Variants in BST2 observed in about 807,000 individuals in gnomAD.
BST2 encodes the protein bone marrow stromal antigen 2.
A neutral mutation model predicts 18.6 loss-of-function variants in BST2; 10 were observed. That is an observed-to-expected ratio of 0.54 (90% confidence interval 0.33 to 0.91). The LOEUF (loss-of-function observed/expected upper bound fraction) is 0.91, where lower values mean the gene tolerates loss of function less well. BST2 is among the 40% of genes least tolerant of loss of function. The pLI is 0.02. For synonymous variants in BST2, 75 were observed against 96.8 expected (o/e 0.77, Z 1.32); for missense variants, 183 against 228.4 (o/e 0.80, Z 1.28).
At chr19:17,404,297 G>C (rs2145745379) in intron 2 of BST2, 74 bp downstream of exon 2, 1 of 1,521,290 alleles carries the variant, frequency 6.6e-7, no homozygotes, top group African/African-American at 1.4e-5. Context: ...CTCCAGCCCT[G>C]GTCTCCCTGC....
In BST2 at chr19:17,403,771, C is replaced by A. The variant is rs1435768175; in HGVS notation, c.467G>T (p.Ser156Ile). 5 of 1,613,914 alleles carry A rather than the reference C, an allele frequency of 3.1e-6. No homozygotes were observed. The highest frequency in any genetic ancestry group is 3.3e-5 in the Admixed American group (2 of 59,962). ...VRIADKKYYP[S>I]SQDSSSAAAP... is the part of the protein sequence containing the mutation. ...CGCAGCGGAGCTGGAGTCCTGGGAG[C>A]TGGGGTAGTACTTCTTGTCCGCGAT... is the stretch of plus-strand genomic sequence containing the variant. Residue 156 changes from serine (S) to isoleucine (I), a missense_variant, in exon 4 of 5, where the codon AGC becomes ATC. Ser to Ile is a moderately radical substitution (Grantham distance 142). Coordinates refer to ENST00000252593, the MANE Select transcript of BST2 (RefSeq NM_004335.4).
intron 1 of BST2, 30 bp downstream of exon 1, chr19:17,405,261 T>A: frequency 6.3e-7 from 1 of 1,586,466 alleles, no homozygotes; most frequent in South Asian, 1.1e-5. Context: ...CGCCTAGTAC[T>A]AGGCCATCCA....
Position 17,404,423 on chromosome 19 carries a change from A to G in BST2, c.300T>C (p.Ala100=). 6.2e-7 allele frequency: 1 copy of G among 1,614,032 alleles called. No homozygotes were observed. The highest frequency in any genetic ancestry group is 8.5e-7 in the Non-Finnish European group (1 of 1,179,990). ...CTTGGGCCTTCTCTGCATCCAGGGA[A>G]GCCATTAGGGCCATCTAAGAAGAGT... The part of the protein sequence containing the change: ...TCNHTVMALM[A]SLDAEKAQGQ... Residue 100 remains alanine, a synonymous_variant, in exon 2 of 5, where the codon GCT becomes GCC. Transcript: ENST00000252593.
At chr19:17,403,659 G>T (rs1183756662) in intron 4 of BST2, 21 bp downstream of exon 4, 1 of 1,605,052 alleles carries the variant, frequency 6.2e-7, no homozygotes, top group Admixed American at 1.7e-5. Context: ...TCCCTCCCGG[G>T]GCCGCCCCCT....
intron 2 of BST2, 87 bp from the exon 3 acceptor site, chr19:17,404,276 CTTA>C: frequency 6.4e-7 from 1 of 1,553,752 alleles, no homozygotes; most frequent in Non-Finnish European, 8.9e-7. Flanking sequence ...GAACCTCCCC[CTTA>C]CCCCAACCTC....
Position 17,403,299 on chromosome 19 carries a change from C to G in BST2, c.*43G>C, listed in dbSNP as rs537302773. The G allele has an allele frequency of 5.7e-5, 61 of 1,063,782 alleles. No individual in the cohort carries two copies. The highest frequency in any genetic ancestry group is 6.3e-5 in the Non-Finnish European group (55 of 874,980). The allele number at this position is 1,063,782 out of a possible 1,614,324, so 65.9% of individuals were successfully genotyped here. ...TCAAGGGAATGTTCAAGCGAAAAGC[C>G]GAGCAGGACGGACCTTCCAAGATGT... On this transcript the variant is annotated 3_prime_UTR_variant, in exon 5 of 5. Transcript: ENST00000252593.
At chr19:17,404,810 C>T (rs867458284) in intron 1 of BST2, among the ~76,000 whole-genome samples, 1 of 152,194 alleles carries the variant, frequency 6.6e-6, no homozygotes, top group Non-Finnish European at 1.5e-5. Context: ...AAGTGACATG[C>T]CCAGCGAGAG....
At position 17,403,169 on chromosome 19, in the gene BST2, A is replaced by T; in HGVS notation, c.*173T>A. On this transcript the variant is annotated 3_prime_UTR_variant, in exon 5 of 5. Coordinates refer to ENST00000252593, the MANE Select transcript of BST2 (RefSeq NM_004335.4). Reference sequence around the variant, plus strand: ...ACCCGACTGTGTCCCCACACCCAGGACTTCCCCATGGCCCCTCCAGACCTG... The same window carrying T: ...ACCCGACTGTGTCCCCACACCCAGGTCTTCCCCATGGCCCCTCCAGACCTG... The T allele has an allele frequency of 1.0e-6, 1 of 989,960 alleles. No homozygotes were observed. Among genetic ancestry groups the T allele is most frequent in the Non-Finnish European group, 1.2e-6 (1 of 832,772 alleles). The allele number at this position is 989,960 out of a possible 1,614,324, so 61.3% of individuals were successfully genotyped here. A position where few individuals can be genotyped will look rare whatever the true frequency, so the allele number is the denominator to read the frequency against.
chr19:17,404,102 G>T, intron 3 of BST2, 27 bp downstream of exon 3: 1 of 1,564,844 alleles, frequency 6.4e-7, no homozygotes, highest in East Asian at 2.4e-5. Context: ...GGCAGGTGGA[G>T]GGTAGCGGGG....
Position 17,404,112 on chromosome 19 carries a change from G to A in BST2, c.413+17C>T, listed in dbSNP as rs2145745180. 1 of 1,574,696 alleles carries A rather than the reference G, an allele frequency of 6.4e-7. No individual in the cohort carries two copies. Among genetic ancestry groups the A allele is most frequent in the African/African-American group, 1.4e-5 (1 of 73,992 alleles). On this transcript the variant is annotated intron_variant, in intron 3 of 4. Transcript: ENST00000252593. ...AATGTGGCAGGTGGAGGGTAGCGGGGGAAGGCTATCTCTGACCTCAGTCGC... is the reference window on the plus strand; with the variant it reads ...AATGTGGCAGGTGGAGGGTAGCGGGAGAAGGCTATCTCTGACCTCAGTCGC...
chr19:17,403,652 C>T, intron 4 of BST2, 28 bp downstream of exon 4: 1 of 1,602,672 alleles, frequency 6.2e-7, no homozygotes, highest in African/African-American at 1.3e-5. Flanking sequence ...TTTCTTCTCC[C>T]TCCCGGGGCC....
At chr19:17,405,210 C>G in intron 1 of BST2, 81 bp downstream of exon 1, 1 of 1,470,910 alleles carries the variant, frequency 6.8e-7, no homozygotes. Flanking sequence ...GGAGACCCAC[C>G]CTGGGTCAGA....
Position 17,403,332 on chromosome 19 carries a change from G to C in BST2, c.*16-6C>G. 4 of 1,115,012 alleles carry C rather than the reference G, an allele frequency of 3.6e-6. No homozygotes were observed. The highest frequency in any genetic ancestry group is 4.4e-6 in the Non-Finnish European group (4 of 905,644). 69.1% of individuals were successfully genotyped at this position (1,115,012 alleles called of 1,614,324 possible). A position where few individuals can be genotyped will look rare whatever the true frequency, so the allele number is the denominator to read the frequency against. The stretch of plus-strand genomic sequence containing the variant: ...ACGGACCTTCCAAGATGTGCCTAAA[G>C]GACCAGAAGAGGGACTCAGGGCAGA... On this transcript the variant is annotated splice_polypyrimidine_tract_variant and splice_region_variant and intron_variant, in intron 4 of 4. Coordinates refer to ENST00000252593, the MANE Select transcript of BST2 (RefSeq NM_004335.4).
rs773885142 is a variant in BST2 at position 17,405,521 on chromosome 19, G to C, written c.55C>G (p.Arg19Gly). The C allele has an allele frequency of 6.2e-7, 1 of 1,614,164 alleles. No homozygotes were observed. The highest frequency in any genetic ancestry group is 8.5e-7 in the Non-Finnish European group (1 of 1,180,016). Residue 19 changes from arginine to glycine, a missense_variant, in exon 1 of 5, where the codon CGC becomes GGC. Transcript: ENST00000252593. ...CRVPMEDGDK[R>G]CKLLLGIGIL... is the part of the protein sequence containing the mutation. ...CCTATCCCCAGCAGAAGCTTACAGC[G>C]CTTATCCCCGTCTTCCATGGGCACT...
Position 17,405,408 on chromosome 19 carries a change from G to T in BST2, c.168C>A (p.Gly56=), listed in dbSNP as rs745702447. The part of the protein sequence containing the change: ...IKANSEACRD[G]LRAVMECRNV... The stretch of plus-strand genomic sequence containing the variant: ...TGCGACACTCCATCACTGCCCGAAG[G>T]CCGTCCCGGCAGGCCTCGCTGTTGG... The change falls in exon 1 of 5, where the codon GGC becomes GGA. Residue 56 remains glycine, a synonymous_variant. Transcript: ENST00000252593. The T allele has an allele frequency of 4.3e-6, 7 of 1,614,254 alleles. No homozygotes were observed. Among genetic ancestry groups the T allele is most frequent in the South Asian group, 1.1e-5 (1 of 91,088 alleles).
Position 17,405,319 on chromosome 19 carries a change from G to A in BST2, c.257C>T (p.Ala86Val). 6.2e-7 allele frequency: 1 copy of A among 1,613,218 alleles called. No homozygotes were observed. The highest frequency in any genetic ancestry group is 8.5e-7 in the Non-Finnish European group (1 of 1,179,568). The change falls in exon 1 of 5, where the codon GCC becomes GTC. Residue 86 changes from alanine to valine, a missense_variant. Transcript: ENST00000252593. ...AGTGTGGTTGCAGGTGGCGGCCTGG[G>A]CCTCCACATCCTGAAAGCCCTTCTG... ...EAQKGFQDVE[A>V]QAATCNHTVM...
chr19:17,403,591 C>G lies in BST2; in HGVS notation c.*15+89G>C. ...CTGCGCCCAGTCCCTTCCCCTGCAG[C>G]CTCTCTCTCTAGACTTCGGAGCCTC... On this transcript the variant is annotated intron_variant, in intron 4 of 4. Coordinates refer to ENST00000252593, the MANE Select transcript of BST2 (RefSeq NM_004335.4). The G allele has an allele frequency of 1.3e-6, 2 of 1,492,314 alleles. 1 individual carries two copies. The allele number at this position is 1,492,314 out of a possible 1,614,324, so 92.4% of individuals were successfully genotyped here. A position where few individuals can be genotyped will look rare whatever the true frequency, so the allele number is the denominator to read the frequency against.
chr19:17,403,820 C>A lies in BST2; in HGVS notation c.418G>T (p.Glu140Ter). 1 of 1,514,634 alleles carries A rather than the reference C, an allele frequency of 6.6e-7. No homozygotes were observed. The highest frequency in any genetic ancestry group is 1.1e-5 in the South Asian group (1 of 87,390). The allele number at this position is 1,514,634 out of a possible 1,614,324, so 93.8% of individuals were successfully genotyped here. The part of the protein sequence containing the change: ...ASAEVERLRR[E>*]NQVLSVRIAD... ...ATTCTCACGCTTAAGACCTGGTTTTCTCTTCTGCGGTACAGATGGCAAATC... is the reference window on the plus strand; with the variant it reads ...ATTCTCACGCTTAAGACCTGGTTTTATCTTCTGCGGTACAGATGGCAAATC... Residue 140 changes from glutamate to a stop codon, truncating the protein, a stop_gained, in exon 4 of 5, where the codon GAA (glutamate) becomes TAA (stop). Transcript: ENST00000252593. LOFTEE classifies it high-confidence loss of function.
chr19:17,403,017 A>G lies in BST2; in HGVS notation c.*325T>C. 1 of 982,734 alleles carries G rather than the reference A, an allele frequency of 1.0e-6. No homozygotes were observed. Among genetic ancestry groups the G allele is most frequent in the Non-Finnish European group, 1.2e-6 (1 of 828,590 alleles). 60.9% of individuals were successfully genotyped at this position (982,734 alleles called of 1,614,324 possible). On this transcript the variant is annotated 3_prime_UTR_variant, in exon 5 of 5. Transcript: ENST00000252593. ...CAGAAAAAAGCAACCCCCCCCGCAA[A>G]AAAAACCCATAACAACAGGCAGCAC... is the stretch of plus-strand genomic sequence containing the variant.
Sources: allele counts gnomAD v4.1 joint callset (sites outside exome capture counted in the v4.1 genomes callset), GRCh38; gene constraint gnomAD v4.1.1; transcripts MANE v1.5; gene names NCBI Gene and HGNC (gene_info 2026-07-23, HGNC 2026-07-21).